Variants in MIPOL1 observed in about 807,000 individuals in gnomAD.
MIPOL1 encodes mirror-image polydactyly 1.
MIPOL1 carries 57 observed loss-of-function variants against 60.9 expected under a neutral mutation model. That is an observed-to-expected ratio of 0.94 (90% CI 0.76 to 1.17). The LOEUF (loss-of-function observed/expected upper bound fraction) is 1.17, where lower values mean the gene tolerates loss of function less well. MIPOL1 is among the 50% of genes most tolerant of loss of function. MIPOL1 has a pLI of 0.00. For synonymous variants in MIPOL1, 179 were observed against 168.8 expected, an observed-to-expected ratio of 1.06 and a Z score of -0.47; for missense variants, 551 against 511.6, an observed-to-expected ratio of 1.08 and a Z score of -0.74.
intron 10 of MIPOL1, among the ~76,000 whole-genome samples, chr14:37,379,054 G>A (rs573684195): frequency 6.6e-6 from 1 of 152,126 alleles, no homozygotes; most frequent in Non-Finnish European, 1.5e-5. Flanking sequence ...GGGTCTTGAT[G>A]TAATGCCTAC....
At position 37,294,379 on chromosome 14, in the gene MIPOL1, G is replaced by A. The variant is rs1166011321; in HGVS notation, c.623+8932G>A. On this transcript the variant is annotated intron_variant, in intron 7 of 12. Transcript: ENST00000684589. ...GGGGAAAAACCAGAGCAGAAAAACC[G>A]GAAACTCTAAAAATCAGAGCGCCTC... Among the ~76,000 whole-genome samples the A allele has an allele frequency of 3.9e-5, 6 of 152,082 alleles. No homozygotes were observed. In the South Asian group the frequency reaches 6.2e-4, roughly 16 times the overall value.
intron 11 of MIPOL1, among the ~76,000 whole-genome samples, chr14:37,477,053 A>C (rs2153595106): frequency 6.6e-6 from 1 of 151,914 alleles, no homozygotes; most frequent in Non-Finnish European, 1.5e-5. Flanking sequence ...GGCGTGTACC[A>C]CACGTCCAGG....
intron 1 of MIPOL1, among the ~76,000 whole-genome samples, chr14:37,238,833 G>A (rs2153339715): frequency 6.6e-6 from 1 of 151,664 alleles, no homozygotes; most frequent in African/African-American, 2.4e-5. Flanking sequence ...TCATACCAGT[G>A]GTGCAGCTAC....
intron 12 of MIPOL1, among the ~76,000 whole-genome samples, chr14:37,513,018 A>G (rs528896596): frequency 1.3e-5 from 2 of 152,226 alleles, no homozygotes; most frequent in South Asian, 4.1e-4. Flanking sequence ...TTAGCTTTGG[A>G]AGGCACCTTC....
intron 11 of MIPOL1, among the ~76,000 whole-genome samples, chr14:37,440,579 A>G (rs2094226624): frequency 4.6e-5 from 7 of 152,082 alleles, no homozygotes; most frequent in Admixed American, 4.6e-4. Flanking sequence ...TTCCGGTTCC[A>G]TTCGTGTTGC....
chr14:37,502,921 A>AC (rs2095234990), intron 12 of MIPOL1: 1 of 152,208 alleles, frequency 6.6e-6, no homozygotes, highest in Admixed American at 6.5e-5. Context: ...TGTAGAGAAG[A>AC]CCTTAAATGA....
chr14:37,332,790 C>G (rs1349175774), intron 9 of MIPOL1, among the ~76,000 whole-genome samples: 2 of 152,036 alleles, frequency 1.3e-5, no homozygotes, highest in Non-Finnish European at 2.9e-5. Context: ...GGAGTACTTC[C>G]AACATCACTA....
At chr14:37,362,749 C>G (rs2092319966) in intron 9 of MIPOL1, among the ~76,000 whole-genome samples, 1 of 152,158 alleles carries the variant, frequency 6.6e-6, no homozygotes, top group African/African-American at 2.4e-5. Flanking sequence ...GTACACCAAT[C>G]AAATGTAGAT....
chr14:37,449,159 G>A (rs935235387), intron 11 of MIPOL1, among the ~76,000 whole-genome samples: 3 of 151,974 alleles, frequency 2.0e-5, no homozygotes, highest in Admixed American at 6.6e-5. Context: ...AATTTTTGCC[G>A]TGTCAAAGTC....
At chr14:37,225,063 C>T (rs916590969) in intron 1 of MIPOL1, among the ~76,000 whole-genome samples, 4 of 152,170 alleles carry the variant, frequency 2.6e-5, no homozygotes, top group Non-Finnish European at 2.9e-5. Context: ...ATCCAGGTCA[C>T]GCTGATGCAA....
chr14:37,236,005 C>T (rs1040622481), intron 1 of MIPOL1, among the ~76,000 whole-genome samples: 1 of 151,882 alleles, frequency 6.6e-6, no homozygotes, highest in African/African-American at 2.4e-5. Context: ...CGGCTCACTG[C>T]AACCTCCGCC....
At chr14:37,232,272 C>G (rs563695228) in intron 1 of MIPOL1, among the ~76,000 whole-genome samples, 22 of 152,136 alleles carry the variant, frequency 1.4e-4, no homozygotes, top group Admixed American at 4.6e-4. Flanking sequence ...AATTATCACT[C>G]AGCTAATAAA....
At chr14:37,295,117 T>C (rs575064463) in intron 7 of MIPOL1, among the ~76,000 whole-genome samples, 9 of 152,158 alleles carry the variant, frequency 5.9e-5, no homozygotes, top group Non-Finnish European at 1.2e-4. Flanking sequence ...CAGCAGAAAC[T>C]CTACGAGCCA....
chr14:37,432,952 A>G (rs1165916764), intron 11 of MIPOL1, among the ~76,000 whole-genome samples: 1 of 152,214 alleles, frequency 6.6e-6, no homozygotes, highest in Non-Finnish European at 1.5e-5. Flanking sequence ...ATAGGGCAAG[A>G]GATTCATTTT....
intron 11 of MIPOL1, among the ~76,000 whole-genome samples, chr14:37,458,847 CAATA>C (rs56046205): frequency 0.62 from 89,179 of 144,824 alleles, 27,508 homozygotes; most frequent in African/African-American, 0.63. Context: ...GAGAGACTGT[CAATA>C]AATAAATAAA....
At chr14:37,485,117 G>C (rs2094927727) in intron 11 of MIPOL1, among the ~76,000 whole-genome samples, 1 of 152,064 alleles carries the variant, frequency 6.6e-6, no homozygotes, top group South Asian at 2.1e-4. Flanking sequence ...TCTTGTGTTA[G>C]TTTGCTGAGA....
intron 7 of MIPOL1, among the ~76,000 whole-genome samples, chr14:37,286,123 C>T (rs764076720): frequency 6.6e-6 from 1 of 152,142 alleles, no homozygotes; most frequent in Non-Finnish European, 1.5e-5. Context: ...CTGCTCTCTG[C>T]TTAATATCCC....
intron 1 of MIPOL1, among the ~76,000 whole-genome samples, chr14:37,226,918 C>A (rs532153642): frequency 1.6e-4 from 24 of 152,232 alleles, no homozygotes; most frequent in South Asian, 4.1e-4. Flanking sequence ...TGGCAGCTTC[C>A]TGATTATTAA....
At chr14:37,351,306 C>G (rs1439440067) in intron 9 of MIPOL1, among the ~76,000 whole-genome samples, 2 of 142,956 alleles carry the variant, frequency 1.4e-5, no homozygotes, top group East Asian at 2.1e-4. Context: ...TCCAGTCTAT[C>G]ATTGTTGGAC....
Sources: allele counts gnomAD v4.1 joint callset (sites outside exome capture counted in the v4.1 genomes callset), GRCh38; gene constraint gnomAD v4.1.1; transcripts MANE v1.5; gene names NCBI Gene and HGNC (gene_info 2026-07-23, HGNC 2026-07-21).